SMARCB1: variants seen among roughly 807,000 people sequenced by gnomAD.
SMARCB1 encodes SWI/SNF-related matrix-associated actin-dependent regulator of chromatin subfamily B member 1.
A neutral mutation model predicts 49.0 loss-of-function variants in SMARCB1; 5 were observed. That is an observed-to-expected ratio of 0.10 (90% CI 0.05 to 0.21). The LOEUF (loss-of-function observed/expected upper bound fraction) is 0.21. Among genes scored for constraint, SMARCB1 ranks in the 10% least tolerant of loss-of-function variants. The pLI is 1.00. For synonymous variants in SMARCB1, 201 were observed against 200.1 expected (o/e 1.00, Z -0.04); for missense variants, 226 against 509.2 (o/e 0.44, Z 5.35).
rs45493895 is a variant in SMARCB1, at chr22:23,837,215, A to G, written c.*3035A>G. The G allele has an allele frequency of 1.9e-6, 3 of 1,581,288 alleles. No homozygotes were observed. In the African/African-American group the frequency reaches 4.1e-5, roughly 21 times the overall value. Reference sequence around the variant, plus strand: ...ACAGCCCAGAGTCCTAGACCAGCAGAGCCTGCCCCAGGCCCCCATCCACAG... The same window carrying G: ...ACAGCCCAGAGTCCTAGACCAGCAGGGCCTGCCCCAGGCCCCCATCCACAG... On this transcript the variant is annotated 3_prime_UTR_variant, in exon 9 of 9. Transcript: ENST00000644036.
chr22:23,830,178 T>C (rs1460482266), intron 7 of SMARCB1, among the ~76,000 whole-genome samples: 1 of 152,128 alleles, frequency 6.6e-6, no homozygotes, highest in African/African-American at 2.4e-5. Context: ...TACCCAGGAG[T>C]AGAATTGCTG....
chr22:23,792,790 TC>T (rs1928480260), intron 2 of SMARCB1: 1 of 154,252 alleles, frequency 6.5e-6, no homozygotes, highest in African/African-American at 2.4e-5. Flanking sequence ...TCCTTTTTGT[TC>T]CCCCTCCTCC....
chr22:23,821,031 C>T (rs1368329359), intron 6 of SMARCB1, among the ~76,000 whole-genome samples: 4 of 152,212 alleles, frequency 2.6e-5, no homozygotes, highest in Admixed American at 6.5e-5. Flanking sequence ...GTTGTCTTGA[C>T]GGGGCCTGCA....
At chr22:23,798,906 C>G (rs1031072973) in intron 3 of SMARCB1, among the ~76,000 whole-genome samples, 2 of 152,046 alleles carry the variant, frequency 1.3e-5, no homozygotes, top group African/African-American at 4.8e-5. Context: ...AAAACTTAGC[C>G]GGGCGTGGTG....
chr22:23,800,334 C>T (rs917939322), intron 3 of SMARCB1, among the ~76,000 whole-genome samples: 2 of 152,240 alleles, frequency 1.3e-5, no homozygotes, highest in Non-Finnish European at 2.9e-5. Flanking sequence ...ATCTTCTCAA[C>T]TTCTACTGCT....
Position 23,787,023 on chromosome 22 carries a change from G to A in SMARCB1, c.-147G>A, listed in dbSNP as rs111772869. 19 of 528,238 alleles carry A rather than the reference G, an allele frequency of 3.6e-5. No individual in the cohort carries two copies. Among genetic ancestry groups the A allele is most frequent in the Non-Finnish European group, 5.9e-5 (18 of 303,360 alleles). 32.7% of individuals were successfully genotyped at this position (528,238 alleles called of 1,614,324 possible). A position where few individuals can be genotyped will look rare whatever the true frequency, so the allele number is the denominator to read the frequency against. On this transcript the variant is annotated 5_prime_UTR_variant, in exon 1 of 9. Transcript: ENST00000644036. ...GTCGTCTGCGGCGGCGGCGGCGGCT[G>A]AGGAGCCCGGCTGAGGCGCCAGTAC...
intron 7 of SMARCB1, among the ~76,000 whole-genome samples, chr22:23,827,209 G>A (rs1190023433): frequency 3.9e-5 from 6 of 152,202 alleles, no homozygotes; most frequent in Non-Finnish European, 8.8e-5. Flanking sequence ...GCTGCCCCCA[G>A]CATCCAGCCC....
At position 23,837,711 on chromosome 22, in the gene SMARCB1, C is replaced by T. The variant is rs764008347; in HGVS notation, c.*3531C>T. The T allele has an allele frequency of 4.3e-6, 7 of 1,613,962 alleles. No individual in the cohort carries two copies. Among genetic ancestry groups the T allele is most frequent in the South Asian group, 2.2e-5 (2 of 91,076 alleles). On this transcript the variant is annotated 3_prime_UTR_variant, in exon 9 of 9. Coordinates refer to ENST00000644036, the MANE Select transcript of SMARCB1 (RefSeq NM_003073.5). ...CCAGCAGCAGCGAGAAGCCCATGAG[C>T]GCCCAAGGCAGGAACGGTGCCTGGA...
intron 5 of SMARCB1, among the ~76,000 whole-genome samples, chr22:23,809,896 C>CG (rs1929757749): frequency 6.6e-6 from 1 of 151,384 alleles, no homozygotes; most frequent in East Asian, 2.0e-4. Flanking sequence ...AAGTGCTGGG[C>CG]GGGGTGGCTC....
chr22:23,796,498 A>G (rs1043702887), intron 3 of SMARCB1, among the ~76,000 whole-genome samples: 2 of 152,222 alleles, frequency 1.3e-5, no homozygotes, highest in Non-Finnish European at 2.9e-5. Context: ...GAGCATTAAG[A>G]AAAAGGATTA....
In SMARCB1 at chr22:23,835,204, G is replaced by A. The variant is rs1237029213; in HGVS notation, c.*1024G>A. The A allele has an allele frequency of 7.9e-7, 1 of 1,271,902 alleles. No individual in the cohort carries two copies. Among genetic ancestry groups the A allele is most frequent in the Non-Finnish European group, 9.9e-7 (1 of 1,010,382 alleles). 78.8% of individuals were successfully genotyped at this position (1,271,902 alleles called of 1,614,324 possible). A position where few individuals can be genotyped will look rare whatever the true frequency, so the allele number is the denominator to read the frequency against. The stretch of plus-strand genomic sequence containing the variant: ...CCCTTCCCAGCCCTGCCTCCAAGGA[G>A]TTCATGTCCCCTCTGTTCTCATCTG... On this transcript the variant is annotated 3_prime_UTR_variant, in exon 9 of 9. Coordinates refer to ENST00000644036, the MANE Select transcript of SMARCB1 (RefSeq NM_003073.5).
intron 5 of SMARCB1, 74 bp from the exon 6 acceptor site, chr22:23,816,696 A>C: frequency 1.4e-6 from 2 of 1,406,282 alleles, no homozygotes; most frequent in Non-Finnish European, 2.0e-6. Flanking sequence ...TTCAAAGAAG[A>C]AGGGGTGAGG....
At chr22:23,825,681 A>G (rs2030346648) in intron 7 of SMARCB1, 1 of 517,252 alleles carries the variant, frequency 1.9e-6, no homozygotes, top group East Asian at 3.3e-5. Flanking sequence ...CCTTGCCTCC[A>G]CGGAGCCCTG....
intron 7 of SMARCB1, among the ~76,000 whole-genome samples, chr22:23,827,594 G>A (rs1185351377): frequency 6.6e-6 from 1 of 152,216 alleles, no homozygotes; most frequent in Non-Finnish European, 1.5e-5. Context: ...GAGAATGCAG[G>A]TTTCAAATCT....
intron 7 of SMARCB1, among the ~76,000 whole-genome samples, chr22:23,831,043 C>G (rs1366389591): frequency 6.6e-6 from 1 of 152,046 alleles, no homozygotes; most frequent in Admixed American, 6.6e-5. Context: ...GTCATGTTGC[C>G]CCAGCACCAT....
In SMARCB1 at chr22:23,837,447, C is replaced by CT; in HGVS notation, c.*3267_*3268insT. On this transcript the variant is annotated 3_prime_UTR_variant, in exon 9 of 9. Coordinates refer to ENST00000644036, the MANE Select transcript of SMARCB1 (RefSeq NM_003073.5). ...CTCACTCCCATCAGGACCGTGCAAG[C>CT]ATCAGTAGATCCGTCCTGACGATGC... 1 of 653,366 alleles carries CT rather than the reference C, an allele frequency of 1.5e-6. No individual in the cohort carries two copies. Among genetic ancestry groups the CT allele is most frequent in the African/African-American group, 1.8e-5 (1 of 54,916 alleles). 40.5% of individuals were successfully genotyped at this position (653,366 alleles called of 1,614,324 possible). A position where few individuals can be genotyped will look rare whatever the true frequency, so the allele number is the denominator to read the frequency against.
intron 1 of SMARCB1, among the ~76,000 whole-genome samples, chr22:23,789,578 T>A (rs1436875471): frequency 1.3e-5 from 2 of 152,208 alleles, no homozygotes; most frequent in Non-Finnish European, 2.9e-5. Flanking sequence ...GTCTCCAAGA[T>A]CTTCCCCAAA....
chr22:23,797,590 A>T (rs1346865840), intron 3 of SMARCB1, among the ~76,000 whole-genome samples: 2 of 122,590 alleles, frequency 1.6e-5, no homozygotes, highest in African/African-American at 6.3e-5. Flanking sequence ...GATTACAGAC[A>T]TGAGCCACTG....
intron 5 of SMARCB1, chr22:23,815,517 G>C (rs2146006568): frequency 7.3e-6 from 1 of 137,292 alleles, no homozygotes; most frequent in East Asian, 2.1e-4. Flanking sequence ...CTGGGCGACA[G>C]AGCGAGACTC....
Sources: gnomAD v4.1 joint callset for allele counts (sites outside exome capture counted in the v4.1 genomes callset) on GRCh38, gnomAD v4.1.1 for gene constraint, MANE v1.5 for transcripts, NCBI Gene and HGNC (gene_info 2026-07-23, HGNC 2026-07-21) for gene names.